Variants in SLC23A2 observed in about 807,000 individuals in gnomAD.
SLC23A2 encodes solute carrier family 23 member 2.
A neutral mutation model predicts 73.3 loss-of-function variants in SLC23A2; 36 were observed. The observed-to-expected ratio is 0.49, with a 90% CI of 0.38 to 0.65. SLC23A2 has a LOEUF of 0.65. SLC23A2 is among the 30% of genes least tolerant of loss of function. SLC23A2 has a pLI of 0.00. For synonymous variants in SLC23A2, 343 were observed against 327.3 expected, an observed-to-expected ratio of 1.05 and a Z score of -0.52; for missense variants, 507 against 841.6, an observed-to-expected ratio of 0.60 and a Z score of 4.92.
chr20:4,980,645 G>A (rs1360499682), intron 1 of SLC23A2, among the ~76,000 whole-genome samples: 2 of 151,232 alleles, frequency 1.3e-5, no homozygotes, highest in African/African-American at 4.9e-5. Flanking sequence ...ATCCTCCTGT[G>A]TCAGCTTCCC....
At chr20:4,986,649 T>TACACACACAC (rs55738084) in intron 1 of SLC23A2, among the ~76,000 whole-genome samples, 26 of 129,696 alleles carry the variant, frequency 2.0e-4, no homozygotes, top group East Asian at 2.5e-4. Flanking sequence ...CATACACACA[T>TACACACACAC]ACACACACAC....
At chr20:4,941,181 C>A (rs2087035254) in intron 2 of SLC23A2, among the ~76,000 whole-genome samples, 1 of 151,404 alleles carries the variant, frequency 6.6e-6, no homozygotes, top group Admixed American at 6.6e-5. Context: ...TTCAGTTACA[C>A]AACATGAGCA....
rs1407066077 is a variant in SLC23A2 at position 4,862,004 on chromosome 20, G to A, written c.1568C>T (p.Ser523Leu). 6.2e-7 allele frequency: 1 copy of A among 1,613,992 alleles called. No individual in the cohort carries two copies. The highest frequency in any genetic ancestry group is 8.5e-7 in the Non-Finnish European group (1 of 1,179,968). The change falls in exon 15 of 17, where the codon TCG (serine) becomes TTG (leucine). Residue 523 changes from serine to leucine, a missense_variant. Physicochemically the swap from Ser to Leu is moderately radical, Grantham distance 145. Transcript: ENST00000338244. This position sits in a 1 kb window ranked among gnomAD's most constrained non-coding sequence, Gnocchi z 5.1. ...SSRNLFVLGF[S>L]IFFGLVLPSY... ...TGGAAGGACGAGCCCAAAGAAGATC[G>A]AAAATCCAAGCACAAAGAGGTTCCG...
At chr20:4,875,426 A>G (rs1001327369) in intron 9 of SLC23A2, among the ~76,000 whole-genome samples, 2 of 152,214 alleles carry the variant, frequency 1.3e-5, no homozygotes, top group African/African-American at 4.8e-5. Context: ...AGACAAAGCC[A>G]GAGGTCCAAG....
intron 2 of SLC23A2, among the ~76,000 whole-genome samples, chr20:4,949,123 T>C (rs2087159704): frequency 6.6e-6 from 1 of 151,534 alleles, no homozygotes; most frequent in Non-Finnish European, 1.5e-5. Flanking sequence ...CCATCTCTAC[T>C]AAAAATAGAA....
At chr20:4,971,885 AAAAT>A (rs1169635796) in intron 1 of SLC23A2, among the ~76,000 whole-genome samples, 2 of 152,226 alleles carry the variant, frequency 1.3e-5, no homozygotes, top group Admixed American at 6.5e-5. Flanking sequence ...TGATTTAAAA[AAAAT>A]AAATAAATAA....
chr20:4,938,487 C>T (rs984512963), intron 2 of SLC23A2, among the ~76,000 whole-genome samples: 8 of 152,016 alleles, frequency 5.3e-5, no homozygotes, highest in African/African-American at 9.7e-5. Flanking sequence ...TACAGGCATG[C>T]GCCACCATGC....
intron 3 of SLC23A2, among the ~76,000 whole-genome samples, chr20:4,920,632 T>G (rs1231909953): frequency 6.6e-6 from 1 of 152,198 alleles, no homozygotes; most frequent in Non-Finnish European, 1.5e-5. Context: ...ACAATGAAGA[T>G]AATCCTTATA....
chr20:4,901,162 T>A, intron 5 of SLC23A2, among the ~76,000 whole-genome samples: 1 of 152,088 alleles, frequency 6.6e-6, no homozygotes, highest in East Asian at 1.9e-4. Flanking sequence ...GCCACTCAGC[T>A]CCTTTTGCTC....
chr20:4,990,971 C>CAAAAA (rs1198847840), intron 1 of SLC23A2, among the ~76,000 whole-genome samples: 6 of 56,816 alleles, frequency 1.1e-4, no homozygotes, highest in Admixed American at 2.0e-4. Context: ...AACTCCATCT[C>CAAAAA]AAAAAAAAAA....
chr20:4,951,867 G>A (rs1056135735), intron 2 of SLC23A2, among the ~76,000 whole-genome samples: 1 of 152,046 alleles, frequency 6.6e-6, no homozygotes, highest in Non-Finnish European at 1.5e-5. Context: ...ACTTTGGGAG[G>A]CTGAGGCAGA....
chr20:4,939,196 A>G (rs1451592762), intron 2 of SLC23A2, among the ~76,000 whole-genome samples: 4 of 152,230 alleles, frequency 2.6e-5, no homozygotes, highest in Admixed American at 2.6e-4. Context: ...CAGCCTCACC[A>G]TCTTACCTCC....
chr20:4,984,284 G>C (rs2087784012), intron 1 of SLC23A2, among the ~76,000 whole-genome samples: 1 of 151,690 alleles, frequency 6.6e-6, no homozygotes, highest in African/African-American at 2.4e-5. Flanking sequence ...GCCGGGTGCA[G>C]TGGCTCACGC....
upstream of SLC23A2, among the ~76,000 whole-genome samples, chr20:5,004,822 A>G (rs2088172792): frequency 6.6e-6 from 1 of 152,070 alleles, no homozygotes; most frequent in Non-Finnish European, 1.5e-5. Context: ...CAACATGGAG[A>G]AACCCTGTCT....
chr20:4,956,575 A>G (rs1332737259), intron 2 of SLC23A2, among the ~76,000 whole-genome samples: 1 of 152,148 alleles, frequency 6.6e-6, no homozygotes, highest in Non-Finnish European at 1.5e-5. Context: ...AGCAACTTTT[A>G]TATTTCATTA....
upstream of SLC23A2, among the ~76,000 whole-genome samples, chr20:5,004,358 G>T (rs993400426): frequency 6.6e-6 from 1 of 152,142 alleles, no homozygotes; most frequent in Admixed American, 6.6e-5. Flanking sequence ...AAGTATTTCT[G>T]AAATTCTCTT....
chr20:4,911,910 C>T (rs1483500794), intron 4 of SLC23A2, among the ~76,000 whole-genome samples: 1 of 151,996 alleles, frequency 6.6e-6, no homozygotes, highest in Non-Finnish European at 1.5e-5. Flanking sequence ...GAAGCATGAT[C>T]TTAGCTCACT....
chr20:5,008,558 C>G (rs1448525635), intron 1 of SLC23A2, among the ~76,000 whole-genome samples: 1 of 152,062 alleles, frequency 6.6e-6, no homozygotes, highest in East Asian at 1.9e-4. Flanking sequence ...AACCATTCTC[C>G]CCTACTCCCA....
At chr20:4,982,981 T>G (rs2087750315) in intron 1 of SLC23A2, among the ~76,000 whole-genome samples, 1 of 152,106 alleles carries the variant, frequency 6.6e-6, no homozygotes, top group Non-Finnish European at 1.5e-5. Flanking sequence ...AGCACACGCC[T>G]GTAATCCCAG....
Sources: gnomAD v4.1 joint callset for allele counts (sites outside exome capture counted in the v4.1 genomes callset) on GRCh38, gnomAD v4.1.1 for gene constraint, Gnocchi (gnomAD v3.1) non-coding constraint, MANE v1.5 for transcripts, NCBI Gene and HGNC (gene_info 2026-07-23, HGNC 2026-07-21) for gene names.